Variants in EYS observed in about 807,000 individuals in gnomAD.
The protein encoded by EYS is EGF-like photoreceptor maintenance factor, also known as protein eyes shut homolog.
In EYS, 250 loss-of-function variants were observed where a neutral mutation model predicts 282.1. The observed-to-expected ratio is 0.89, with a 90% CI of 0.80 to 0.98. The LOEUF is 0.98. Among genes scored for constraint, EYS ranks in the 50% least tolerant of loss-of-function variants. The pLI, the probability that EYS is intolerant of heterozygous loss-of-function variation, is 0.00. For synonymous variants in EYS, 1,355 were observed against 1,282.9 expected (o/e 1.06, Z -1.20); for missense variants, 4,016 against 3,709.0 (o/e 1.08, Z -2.15).
intron 30 of EYS, among the ~76,000 whole-genome samples, chr6:64,243,602 C>A (rs777047047): frequency 6.6e-6 from 1 of 152,162 alleles, no homozygotes; most frequent in African/African-American, 2.4e-5. Flanking sequence ...GGACACATGG[C>A]CAAACTCACT....
chr6:64,269,243 G>A (rs1175718544), intron 30 of EYS, among the ~76,000 whole-genome samples: 1 of 151,988 alleles, frequency 6.6e-6, no homozygotes. Context: ...ATCTAAGATG[G>A]AATAGATTAA....
At chr6:65,453,380 AT>A in intron 5 of EYS, among the ~76,000 whole-genome samples, 1 of 152,078 alleles carries the variant, frequency 6.6e-6, no homozygotes, top group African/African-American at 2.4e-5. Context: ...TATTTAAAAA[AT>A]ATTTGTTTTC....
chr6:64,100,967 G>T (rs570567036), intron 31 of EYS, among the ~76,000 whole-genome samples: 10 of 152,084 alleles, frequency 6.6e-5, no homozygotes, highest in South Asian at 6.2e-4. Flanking sequence ...TCTTGATTTT[G>T]TTCAGGCACA....
intron 33 of EYS, among the ~76,000 whole-genome samples, chr6:64,052,112 A>G (rs1770827870): frequency 1.3e-5 from 2 of 152,160 alleles, no homozygotes; most frequent in African/African-American, 4.8e-5. Flanking sequence ...AAAAAAGTAA[A>G]CATATTTTGT....
chr6:64,373,724 G>T (rs1049328936), intron 29 of EYS, among the ~76,000 whole-genome samples: 8 of 152,168 alleles, frequency 5.3e-5, no homozygotes, highest in Non-Finnish European at 1.2e-4. Context: ...AGAGCATCTG[G>T]GTTCCTCCAG....
chr6:64,454,559 T>C (rs1317317773), intron 26 of EYS, among the ~76,000 whole-genome samples: 1 of 152,106 alleles, frequency 6.6e-6, no homozygotes, highest in Admixed American at 6.6e-5. Flanking sequence ...AATAAATACA[T>C]TCTGTACTCC....
intron 12 of EYS, among the ~76,000 whole-genome samples, chr6:65,271,061 A>G (rs1231686697): frequency 6.8e-6 from 1 of 146,876 alleles, no homozygotes; most frequent in African/African-American, 2.5e-5. Context: ...TACTTATCAT[A>G]ACAACATCCC....
chr6:65,356,129 C>T (rs1234407712), intron 8 of EYS, among the ~76,000 whole-genome samples: 4 of 151,918 alleles, frequency 2.6e-5, no homozygotes, highest in Non-Finnish European at 5.9e-5. Flanking sequence ...CACACATACA[C>T]ATACATATAC....
At chr6:64,929,319 G>T (rs974967068) in intron 15 of EYS, among the ~76,000 whole-genome samples, 11 of 152,108 alleles carry the variant, frequency 7.2e-5, no homozygotes, top group African/African-American at 2.7e-4. Flanking sequence ...CAATTACTAT[G>T]ATGCCTGATA....
intron 42 of EYS, among the ~76,000 whole-genome samples, chr6:63,724,960 G>A (rs1286692183): frequency 6.6e-6 from 1 of 152,050 alleles, no homozygotes; most frequent in Non-Finnish European, 1.5e-5. Flanking sequence ...CAAAGTACAG[G>A]ACTGTCAGCT....
At chr6:64,222,572 C>A in intron 31 of EYS, among the ~76,000 whole-genome samples, 1 of 151,980 alleles carries the variant, frequency 6.6e-6, no homozygotes, top group East Asian at 1.9e-4. Flanking sequence ...CACATCCTTA[C>A]TATTTTATTG....
intron 33 of EYS, among the ~76,000 whole-genome samples, chr6:64,024,311 T>C (rs1441469814): frequency 1.3e-5 from 2 of 152,140 alleles, no homozygotes; most frequent in East Asian, 3.9e-4. Context: ...TGACACTATG[T>C]ATCTAGCTAC....
chr6:63,856,015 G>T (rs1411736238), intron 36 of EYS, among the ~76,000 whole-genome samples: 13 of 138,338 alleles, frequency 9.4e-5, no homozygotes, highest in Non-Finnish European at 6.2e-5. Context: ...TTTCAGTGAA[G>T]TTTTTTTTTT....
intron 22 of EYS, among the ~76,000 whole-genome samples, chr6:64,801,600 A>G (rs1764230958): frequency 6.6e-6 from 1 of 152,154 alleles, no homozygotes; most frequent in Non-Finnish European, 1.5e-5. Context: ...AACATTCTAT[A>G]GCTATTTAGC....
At chr6:64,554,048 G>A (rs1377212170) in intron 26 of EYS, among the ~76,000 whole-genome samples, 1 of 151,856 alleles carries the variant, frequency 6.6e-6, no homozygotes, top group African/African-American at 2.4e-5. Context: ...GCATCCAAAG[G>A]GAATCACACA....
At chr6:65,279,291 C>G (rs1182485167) in intron 12 of EYS, among the ~76,000 whole-genome samples, 1 of 152,016 alleles carries the variant, frequency 6.6e-6, no homozygotes, top group African/African-American at 2.4e-5. Flanking sequence ...TTCTCCCTGA[C>G]TTTCTCATAG....
At chr6:64,289,916 G>C (rs555849183) in intron 30 of EYS, among the ~76,000 whole-genome samples, 1 of 152,116 alleles carries the variant, frequency 6.6e-6, no homozygotes, top group South Asian at 2.1e-4. Context: ...CATATACCTG[G>C]TAAGTAGGCA....
chr6:63,763,987 C>CTCCCTTTCTCCCTTTCTTCCT (rs1454292732), intron 40 of EYS, among the ~76,000 whole-genome samples: 1 of 150,618 alleles, frequency 6.6e-6, no homozygotes, highest in Non-Finnish European at 1.5e-5. Context: ...GCCTGCCTTT[C>CTCCCTTTCTCCCTTTCTTCCT]TCCCTTTCTC....
intron 14 of EYS, among the ~76,000 whole-genome samples, chr6:64,965,542 T>C (rs1300836310): frequency 6.6e-6 from 1 of 151,956 alleles, no homozygotes; most frequent in Admixed American, 6.6e-5. Flanking sequence ...TCATTATAAA[T>C]GAGGAAAGCA....
Sources: allele counts gnomAD v4.1 joint callset (sites outside exome capture counted in the v4.1 genomes callset), GRCh38; gene constraint gnomAD v4.1.1; transcripts MANE v1.5; gene names NCBI Gene and HGNC (gene_info 2026-07-23, HGNC 2026-07-21).